The following ZNF222 variants were observed in gnomAD, a reference collection of about 807,000 sequenced individuals.
ZNF222 encodes zinc finger protein 222.
Under a neutral mutation model 11.6 loss-of-function variants are expected in ZNF222, and 8 were observed. The ratio of observed to expected loss-of-function variants is 0.69; its 90% confidence interval spans 0.41 to 1.25. The LOEUF is 1.25. Ranked by LOEUF, ZNF222 falls within the 50% of genes most tolerant of loss-of-function variation. The probability of loss-of-function intolerance (pLI) is 0.01; values close to 1 mark genes in which losing one functional copy is unlikely to be tolerated. For synonymous variants in ZNF222, 171 were observed against 195.6 expected, an observed-to-expected ratio of 0.87 and a Z score of 1.05; for missense variants, 483 against 576.1, an observed-to-expected ratio of 0.84 and a Z score of 1.65.
intron 3 of ZNF222, chr19:44,030,977 C>G (rs1976491146): frequency 6.6e-6 from 1 of 152,232 alleles, no homozygotes; most frequent in African/African-American, 2.4e-5. Flanking sequence ...AGAGACTCTC[C>G]TCAGGCATGA....
rs758524581 is a variant in ZNF222 at position 44,032,374 on chromosome 19, T to C, written c.820T>C (p.Cys274Arg). The change falls in exon 4 of 4, where the codon TGT becomes CGT. Residue 274 changes from cysteine to arginine, a missense_variant. Coordinates refer to ENST00000391960, the MANE Select transcript of ZNF222 (RefSeq NM_001129996.2). ...MREKPYNCEK[C>R]GKAFMHNFQL... is the part of the protein sequence containing the mutation. ...AGAGAAACCTTATAATTGTGAGAAA[T>C]GTGGGAAGGCTTTCATGCACAATTT... 3.7e-6 allele frequency: 6 copies of C among 1,614,076 alleles called. No individual in the cohort carries two copies. The highest frequency in any genetic ancestry group is 4.2e-6 in the Non-Finnish European group (5 of 1,180,056).
chr19:44,026,299 G>T (rs1430812882), intron 1 of ZNF222, among the ~76,000 whole-genome samples: 1 of 152,026 alleles, frequency 6.6e-6, no homozygotes, highest in Non-Finnish European at 1.5e-5. Context: ...TGAGACACAG[G>T]TGGAGCAGGA....
At chr19:44,026,466 T>C (rs1976364482) in intron 1 of ZNF222, among the ~76,000 whole-genome samples, 1 of 152,182 alleles carries the variant, frequency 6.6e-6, no homozygotes, top group African/African-American at 2.4e-5. Flanking sequence ...TGGACTTCTA[T>C]AGGAGTTTTT....
intron 2 of ZNF222, 103 bp from the exon 3 acceptor site, chr19:44,027,295 G>T (rs1341864995): frequency 4.5e-6 from 7 of 1,570,450 alleles, no homozygotes; most frequent in African/African-American, 1.4e-5. Flanking sequence ...AGTAATTGTG[G>T]TTTTTGTCAT....
At chr19:44,026,041 A>C in intron 1 of ZNF222, 1 of 1,613,260 alleles carries the variant, frequency 6.2e-7, no homozygotes, top group Non-Finnish European at 8.5e-7. Flanking sequence ...CCTTTCTAAA[A>C]GAGCTGCAGG....
chr19:44,028,864 C>A (rs563441571), intron 3 of ZNF222, among the ~76,000 whole-genome samples: 1 of 152,140 alleles, frequency 6.6e-6, no homozygotes, highest in Admixed American at 6.5e-5. Context: ...TTCCAGGACC[C>A]CCTTGTGGAT....
Position 44,032,312 on chromosome 19 carries a change from G to T in ZNF222, c.758G>T (p.Arg253Ile), listed in dbSNP as rs745427189. Residue 253 changes from arginine (R) to isoleucine (I), a missense_variant, in exon 4 of 4, where the codon AGA becomes ATA. Coordinates refer to ENST00000391960, the MANE Select transcript of ZNF222 (RefSeq NM_001129996.2). ...CEQCGKGFRC[R>I]SALKVHCKLH... ...CAGTGTGGGAAAGGCTTCAGATGTA[G>T]ATCAGCACTTAAAGTTCATTGCAAA... 48 of 1,613,882 alleles carry T rather than the reference G, an allele frequency of 3.0e-5. No individual in the cohort carries two copies. Among genetic ancestry groups the T allele is most frequent in the Non-Finnish European group, 3.7e-5 (44 of 1,179,990 alleles).
chr19:44,029,052 GT>G (rs1354229324), intron 3 of ZNF222, among the ~76,000 whole-genome samples: 1 of 151,944 alleles, frequency 6.6e-6, no homozygotes, highest in Admixed American at 6.6e-5. Context: ...AGAAATTCAA[GT>G]TTTGCTTTGT....
intron 3 of ZNF222, 108 bp downstream of exon 3, chr19:44,027,598 A>T: frequency 9.4e-7 from 1 of 1,062,540 alleles, no homozygotes; most frequent in East Asian, 2.6e-5. Flanking sequence ...CTGGATTATT[A>T]CAGCCTTCTC....
intron 3 of ZNF222, among the ~76,000 whole-genome samples, chr19:44,029,171 T>C (rs931594438): frequency 2.0e-5 from 3 of 147,266 alleles, no homozygotes; most frequent in African/African-American, 7.7e-5. Flanking sequence ...TGCAGGACAG[T>C]TGTTGGTTTG....
Position 44,032,013 on chromosome 19 carries a change from AG to A in ZNF222, c.460del (p.Glu154LysfsTer57). 2 of 1,614,238 alleles carry A rather than the reference AG, an allele frequency of 1.2e-6. No homozygotes were observed. The highest frequency in any genetic ancestry group is 1.7e-6 in the Non-Finnish European group (2 of 1,180,038). On this transcript the variant is annotated frameshift_variant, in exon 4 of 4. Coordinates refer to ENST00000391960, the MANE Select transcript of ZNF222 (RefSeq NM_001129996.2). LOFTEE classifies it low-confidence loss of function (END_TRUNC). ...KARLSTVHTR[E>X]KPFQGENCKQ... ...CAAGACTATCTACAGTTCACACAAG[AG>A]AAAAACCTTTCCAGGGTGAAAATTG...
At chr19:44,027,544 A>C (rs1976407167) in intron 3 of ZNF222, 54 bp downstream of exon 3, 11 of 1,549,122 alleles carry the variant, frequency 7.1e-6, no homozygotes, top group Non-Finnish European at 8.9e-6. Flanking sequence ...ACTTCTGTCC[A>C]TGCCCATTTC....
intron 2 of ZNF222, 61 bp from the exon 3 acceptor site, chr19:44,027,337 C>T: frequency 6.4e-7 from 1 of 1,570,372 alleles, no homozygotes; most frequent in Admixed American, 1.7e-5. Flanking sequence ...ATTACGTTTG[C>T]ACCAACATGA....
In ZNF222 at chr19:44,032,485, A is replaced by G. The variant is rs368853032; in HGVS notation, c.931A>G (p.Ser311Gly). ...ICGKSFCLRSSLNRHCMVHTA... is the reference protein window; with the variant it reads ...ICGKSFCLRSGLNRHCMVHTA... ...TGGTAAGAGCTTCTGTCTTAGGTCA[A>G]GTCTTAATAGGCATTGCATGGTCCA... The change falls in exon 4 of 4, where the codon AGT becomes GGT. Residue 311 changes from serine to glycine, a missense_variant. Coordinates refer to ENST00000391960, the MANE Select transcript of ZNF222 (RefSeq NM_001129996.2). 15 of 1,614,086 alleles carry G rather than the reference A, an allele frequency of 9.3e-6. No homozygotes were observed. The African/African-American group carries it at 1.1e-4, about 11-fold the overall frequency.
At chr19:44,026,882 A>G in intron 1 of ZNF222, 141 bp from the exon 2 acceptor site, 1 of 1,374,408 alleles carries the variant, frequency 7.3e-7, no homozygotes, top group Non-Finnish European at 9.9e-7. Flanking sequence ...CACAAACAGA[A>G]TAAGTAGGAA....
chr19:44,029,760 T>C (rs1040316634), intron 3 of ZNF222, among the ~76,000 whole-genome samples: 4 of 152,208 alleles, frequency 2.6e-5, no homozygotes, highest in African/African-American at 4.8e-5. Context: ...ATTCTTTCCA[T>C]TGGAAAAACT....
intron 3 of ZNF222, among the ~76,000 whole-genome samples, chr19:44,030,628 T>A (rs1389498219): frequency 6.6e-6 from 1 of 152,198 alleles, no homozygotes; most frequent in East Asian, 1.9e-4. Flanking sequence ...TATTTTCTAT[T>A]GTATTCTCCC....
intron 3 of ZNF222, chr19:44,028,192 T>C: frequency 5.0e-6 from 2 of 399,132 alleles, no homozygotes; most frequent in Non-Finnish European, 4.4e-6. Flanking sequence ...TATGCCTTCC[T>C]CTTTCACCTT....
At position 44,032,072 on chromosome 19, in the gene ZNF222, A is replaced by T. The variant is rs1409864203; in HGVS notation, c.518A>T (p.Asp173Val). ...TTCTTCAGTGATGTTTCCTTCTTTG[A>T]TCTTCCTCAGCAGTTATATTCAGGA... is the stretch of plus-strand genomic sequence containing the variant. Reference protein sequence around the residue: ...KQFFSDVSFFDLPQQLYSGEK... With the variant: ...KQFFSDVSFFVLPQQLYSGEK... The change falls in exon 4 of 4, where the codon GAT becomes GTT. Residue 173 changes from aspartate to valine, a missense_variant. Coordinates refer to ENST00000391960, the MANE Select transcript of ZNF222 (RefSeq NM_001129996.2). 2 of 1,614,184 alleles carry T rather than the reference A, an allele frequency of 1.2e-6. No individual in the cohort carries two copies. Among genetic ancestry groups the T allele is most frequent in the Non-Finnish European group, 1.7e-6 (2 of 1,180,040 alleles).
Sources: allele counts gnomAD v4.1 joint callset (sites outside exome capture counted in the v4.1 genomes callset), GRCh38; gene constraint gnomAD v4.1.1; transcripts MANE v1.5; gene names NCBI Gene and HGNC (gene_info 2026-07-23, HGNC 2026-07-21).